The following IL7R variants were observed in gnomAD, a reference collection of about 807,000 sequenced individuals.
IL7R encodes the protein interleukin-7 receptor subunit alpha.
In IL7R, 38 loss-of-function variants were observed where a neutral mutation model predicts 47.0. The ratio of observed to expected loss-of-function variants is 0.81; its 90% CI spans 0.62 to 1.06. IL7R has a LOEUF of 1.06. Ranked by LOEUF, IL7R falls within the 50% of genes least tolerant of loss-of-function variation. The pLI is 0.00. For synonymous variants in IL7R, 221 were observed against 199.8 expected (o/e 1.11, Z -0.89); for missense variants, 633 against 534.8 (o/e 1.18, Z -1.81).
chr5:35,878,482 C>G lies in IL7R; in HGVS notation c.*1996C>G, dbSNP rs1237586651. ...ATAAAAGAGCCATATTGAAAGTGCCCTGTTGGAGACAGGGCAAATGCCACA... is the reference window on the plus strand; with the variant it reads ...ATAAAAGAGCCATATTGAAAGTGCCGTGTTGGAGACAGGGCAAATGCCACA... On this transcript the variant is annotated 3_prime_UTR_variant, in exon 8 of 8. Coordinates refer to ENST00000303115, the MANE Select transcript of IL7R (RefSeq NM_002185.5). The G allele has an allele frequency of 2.1e-5, 5 of 232,860 alleles. No homozygotes were observed. The highest frequency in any genetic ancestry group is 1.1e-4 in the African/African-American group (5 of 45,406). The allele number at this position is 232,860 out of a possible 1,614,324, so 14.4% of individuals were successfully genotyped here.
rs115738283 is a variant in IL7R, at chr5:35,857,323, C to A, written c.82+264C>A. Among the ~76,000 whole-genome samples, 281 of 101,172 alleles carry A rather than the reference C, an allele frequency of 2.8e-3. 1 individual carries two copies. Among genetic ancestry groups the A allele is most frequent in the Non-Finnish European group, 4.8e-3 (218 of 45,592 alleles). 66.4% of individuals were successfully genotyped at this position (101,172 alleles called of 152,430 possible). On this transcript the variant is annotated intron_variant, in intron 1 of 7. Coordinates refer to ENST00000303115, the MANE Select transcript of IL7R (RefSeq NM_002185.5). Reference sequence around the variant, plus strand: ...GTAGATCTTAAATGTTGAATGATTACTCTGCTCTTACAAAAAGAATGCTCA... The same window carrying A: ...GTAGATCTTAAATGTTGAATGATTAATCTGCTCTTACAAAAAGAATGCTCA...
chr5:35,871,303 A>G, intron 4 of IL7R, 90 bp downstream of exon 4: 4 of 1,062,238 alleles, frequency 3.8e-6, no homozygotes, highest in Non-Finnish European at 5.6e-6. Flanking sequence ...GGGAGGGCCC[A>G]ACAATTTTGC....
chr5:35,859,910 G>A (rs1045249947), intron 1 of IL7R, among the ~76,000 whole-genome samples: 1 of 151,524 alleles, frequency 6.6e-6, no homozygotes, highest in Non-Finnish European at 1.5e-5. Flanking sequence ...ATTTTCTCAG[G>A]TCCCAGTGGG....
intron 1 of IL7R, among the ~76,000 whole-genome samples, chr5:35,858,461 A>G (rs777049865): frequency 1.3e-5 from 2 of 152,184 alleles, no homozygotes; most frequent in Non-Finnish European, 2.9e-5. Flanking sequence ...CTTCTAGATG[A>G]CACTGGCTTG....
At position 35,867,271 on chromosome 5, in the gene IL7R, C is replaced by T. The variant is rs773047299; in HGVS notation, c.222-35C>T. ...TTCCACTGCATACAGGAACTCCTAC[C>T]TGAATCAAGACATATCCCCTTTTTA... On this transcript the variant is annotated intron_variant, in intron 2 of 7. Transcript: ENST00000303115. The T allele has an allele frequency of 1.9e-6, 3 of 1,602,580 alleles. No homozygotes were observed. The Admixed American group carries it at 5.0e-5, about 27-fold the overall frequency.
chr5:35,875,637 G>A (rs1291708521), intron 7 of IL7R, 50 bp downstream of exon 7: 7 of 1,308,962 alleles, frequency 5.3e-6, no homozygotes, highest in African/African-American at 1.5e-5. Context: ...CATCCCAGTG[G>A]CCAAGAATGA....
chr5:35,865,109 C>T (rs7701111), intron 2 of IL7R, among the ~76,000 whole-genome samples: 88 of 152,062 alleles, frequency 5.8e-4, no homozygotes, highest in African/African-American at 2.0e-3. Context: ...ATCCCTCCCC[C>T]CTCCTTCCAC....
intron 1 of IL7R, among the ~76,000 whole-genome samples, chr5:35,857,646 C>G (rs923158802): frequency 6.6e-6 from 1 of 152,126 alleles, no homozygotes; most frequent in African/African-American, 2.4e-5. Context: ...AGAGAAAGAT[C>G]TAAATGAGTT....
rs1036740256 is a variant in IL7R, at chr5:35,875,579, C to A, written c.868C>A (p.Pro290Thr). Residue 290 changes from proline (P) to threonine (T), a missense_variant, in exon 7 of 8, where the codon CCA (proline) becomes ACA (threonine). By Grantham distance (38) the Pro-to-Thr change is conservative. Transcript: ENST00000303115. ...KKTLEHLCKKPRKNLNVSFNP... is the reference protein window; with the variant it reads ...KKTLEHLCKKTRKNLNVSFNP... ...GACTCTGGAACATCTTTGTAAGAAA[C>A]CAAGAAAAGTGAGTGTTTTTGGTGC... 1.2e-6 allele frequency: 2 copies of A among 1,612,064 alleles called. No individual in the cohort carries two copies. Among genetic ancestry groups the A allele is most frequent in the South Asian group, 1.1e-5 (1 of 91,040 alleles).
chr5:35,876,506 G>T lies in IL7R; in HGVS notation c.*20G>T, dbSNP rs2149906509. 6.3e-7 allele frequency: 1 copy of T among 1,599,992 alleles called. No homozygotes were observed. Among genetic ancestry groups the T allele is most frequent in the South Asian group, 1.1e-5 (1 of 91,038 alleles). On this transcript the variant is annotated 3_prime_UTR_variant, in exon 8 of 8. Coordinates refer to ENST00000303115, the MANE Select transcript of IL7R (RefSeq NM_002185.5). Reference sequence around the variant, plus strand: ...CAGTGAAGTGTAAGAAACCCAGACTGAACTTACCGTGAGCGACAAAGATGA... The same window carrying T: ...CAGTGAAGTGTAAGAAACCCAGACTTAACTTACCGTGAGCGACAAAGATGA...
In IL7R at chr5:35,878,534, A is replaced by G. The variant is rs1002167330; in HGVS notation, c.*2048A>G. ...AAATGATGTAAATTTACATGGAGGA[A>G]AAGTAGAATCTGCCTGGTTTGTAGG... On this transcript the variant is annotated 3_prime_UTR_variant, in exon 8 of 8. Coordinates refer to ENST00000303115, the MANE Select transcript of IL7R (RefSeq NM_002185.5). 1.3e-5 allele frequency: 3 copies of G among 232,758 alleles called. No individual in the cohort carries two copies. Among genetic ancestry groups the G allele is most frequent in the African/African-American group, 6.6e-5 (3 of 45,324 alleles). 14.4% of individuals were successfully genotyped at this position (232,758 alleles called of 1,614,324 possible). A position where few individuals can be genotyped will look rare whatever the true frequency, so the allele number is the denominator to read the frequency against.
chr5:35,876,742 T>TA lies in IL7R; in HGVS notation c.*266dup, dbSNP rs202167692. 9.0e-3 allele frequency: 3,715 copies of TA among 413,454 alleles called. No individual in the cohort carries two copies. The highest frequency in any genetic ancestry group is 0.018 in the South Asian group (457 of 25,736). The allele number at this position is 413,454 out of a possible 1,614,324, so 25.6% of individuals were successfully genotyped here. A position where few individuals can be genotyped will look rare whatever the true frequency, so the allele number is the denominator to read the frequency against. On this transcript the variant is annotated 3_prime_UTR_variant, in exon 8 of 8. Transcript: ENST00000303115. ...AAGGTGACCCAATGATTCAGCTATT[T>TA]AAAAAAAAAAGAGGAAAGAATGAAA...
chr5:35,870,945 T>A, intron 3 of IL7R, 111 bp from the exon 4 acceptor site: 1 of 926,656 alleles, frequency 1.1e-6, no homozygotes, highest in Non-Finnish European at 1.8e-6. Flanking sequence ...TAGTTGGCCA[T>A]TTACTGACAC....
chr5:35,858,928 C>G (rs947450078), intron 1 of IL7R, among the ~76,000 whole-genome samples: 3 of 152,192 alleles, frequency 2.0e-5, no homozygotes, highest in African/African-American at 7.2e-5. Context: ...AGCTCTAACA[C>G]CACAGGTCTT....
intron 2 of IL7R, among the ~76,000 whole-genome samples, chr5:35,862,668 T>C (rs1759849389): frequency 6.6e-6 from 1 of 152,112 alleles, no homozygotes; most frequent in African/African-American, 2.4e-5. Context: ...TGATTGTCCA[T>C]TGCTCATTAA....
intron 2 of IL7R, among the ~76,000 whole-genome samples, chr5:35,864,168 T>C (rs1341320908): frequency 6.6e-6 from 1 of 152,180 alleles, no homozygotes; most frequent in Non-Finnish European, 1.5e-5. Context: ...TTAACCAGTG[T>C]TTGTGAGAGT....
chr5:35,870,355 A>T lies in IL7R; in HGVS notation c.380-701A>T, dbSNP rs1056611696. On this transcript the variant is annotated intron_variant, in intron 3 of 7. Transcript: ENST00000303115. The stretch of plus-strand genomic sequence containing the variant: ...AGGAATTCAGCATTAAGGCAGTGAG[A>T]CTGACAGAGGGGACCCCCTGAGGAC... Among the ~76,000 whole-genome samples, 7 of 152,338 alleles carry T rather than the reference A, an allele frequency of 4.6e-5. No individual in the cohort carries two copies. The East Asian group carries it at 1.3e-3, about 29-fold the overall frequency.
chr5:35,859,594 GTC>G (rs1396164614), intron 1 of IL7R, among the ~76,000 whole-genome samples: 11 of 152,150 alleles, frequency 7.2e-5, no homozygotes, highest in Non-Finnish European at 1.5e-5. Context: ...CACACCCATG[GTC>G]TAGCTAGGGC....
intron 3 of IL7R, chr5:35,867,735 G>C: frequency 1.7e-6 from 1 of 599,262 alleles, no homozygotes; most frequent in South Asian, 2.1e-5. Context: ...TGGGCTTCCT[G>C]TCATCCATCA....
Sources: gnomAD v4.1 joint callset for allele counts (sites outside exome capture counted in the v4.1 genomes callset) on GRCh38, gnomAD v4.1.1 for gene constraint, MANE v1.5 for transcripts, NCBI Gene and HGNC (gene_info 2026-07-23, HGNC 2026-07-21) for gene names.